Variants in POC1B observed in about 807,000 individuals in gnomAD.
The protein encoded by POC1B is POC1 centriolar protein homolog B.
POC1B carries 44 observed loss-of-function variants against 60.6 expected under a neutral mutation model. The ratio of observed to expected loss-of-function variants is 0.73; its 90% CI spans 0.57 to 0.93. The LOEUF (loss-of-function observed/expected upper bound fraction) is 0.93, where lower values mean the gene tolerates loss of function less well. POC1B is among the 40% of genes least tolerant of loss of function. The probability of loss-of-function intolerance (pLI) is 0.00; values close to 1 mark genes in which losing one functional copy is unlikely to be tolerated. For synonymous variants in POC1B, 180 were observed against 198.9 expected, an observed-to-expected ratio of 0.90 and a Z score of 0.80; for missense variants, 555 against 572.3, an observed-to-expected ratio of 0.97 and a Z score of 0.31.
intron 4 of POC1B, among the ~76,000 whole-genome samples, chr12:89,478,068 C>A (rs1883184657): frequency 6.6e-6 from 1 of 151,458 alleles, no homozygotes; most frequent in Non-Finnish European, 1.5e-5. Context: ...CTTGGAGTTG[C>A]CCACAACCAC....
intron 10 of POC1B, among the ~76,000 whole-genome samples, chr12:89,457,604 GTGTTT>G (rs1882311048): frequency 2.6e-5 from 4 of 152,142 alleles, no homozygotes; most frequent in Middle Eastern, 3.4e-3. Context: ...TTGTTTTCCT[GTGTTT>G]TGTTTGTTTG....
At chr12:89,416,996 C>T (rs1880375823), downstream of POC1B, among the ~76,000 whole-genome samples, 1 of 152,126 alleles carries the variant, frequency 6.6e-6, no homozygotes, top group Non-Finnish European at 1.5e-5. Flanking sequence ...TACCTTCTTT[C>T]CACATAGTAG....
chr12:89,450,817 G>T (rs1055314606), intron 10 of POC1B, among the ~76,000 whole-genome samples: 4 of 152,144 alleles, frequency 2.6e-5, no homozygotes, highest in African/African-American at 9.7e-5. Context: ...ATCTTTGTAT[G>T]TATATCTTAT....
chr12:89,416,320 G>A (rs1880364155), downstream of POC1B, among the ~76,000 whole-genome samples: 1 of 152,172 alleles, frequency 6.6e-6, no homozygotes, highest in African/African-American at 2.4e-5. Flanking sequence ...TCCAGGAAGA[G>A]AAGAGTTATG....
At chr12:89,519,072 AG>A (rs996990028) in intron 2 of POC1B, among the ~76,000 whole-genome samples, 2 of 152,122 alleles carry the variant, frequency 1.3e-5, no homozygotes, top group African/African-American at 4.8e-5. Context: ...TGTGGTTTAG[AG>A]GACAGACATT....
intron 2 of POC1B, chr12:89,501,496 C>T (rs971407894): frequency 1.7e-5 from 17 of 977,756 alleles, no homozygotes; most frequent in East Asian, 9.9e-5. Context: ...TATGGAAGAG[C>T]GTGAAGAGAT....
chr12:89,459,251 G>A (rs914337089), intron 10 of POC1B, among the ~76,000 whole-genome samples: 1 of 151,886 alleles, frequency 6.6e-6, no homozygotes, highest in Admixed American at 6.6e-5. Context: ...ACACACCAGG[G>A]CCTGTTGTGG....
intron 2 of POC1B, chr12:89,500,359 T>C (rs2135746380): frequency 2.0e-6 from 3 of 1,507,282 alleles, no homozygotes; most frequent in South Asian, 1.1e-5. Context: ...TTCCACTTTC[T>C]TCAAGGAAGA....
the POC1B span, among the ~76,000 whole-genome samples, chr12:89,414,480 A>T: frequency 1.3e-5 from 2 of 152,154 alleles, no homozygotes; most frequent in African/African-American, 4.8e-5. Flanking sequence ...TCAGGCTGCA[A>T]TTGTGTTACC....
At chr12:89,496,506 A>G (rs753648655) in intron 3 of POC1B, among the ~76,000 whole-genome samples, 1 of 152,184 alleles carries the variant, frequency 6.6e-6, no homozygotes, top group Non-Finnish European at 1.5e-5. Flanking sequence ...GAGGCAGGGG[A>G]GTGATGCTAT....
At chr12:89,462,124 T>A (rs956296311) in intron 9 of POC1B, among the ~76,000 whole-genome samples, 3 of 152,172 alleles carry the variant, frequency 2.0e-5, no homozygotes, top group African/African-American at 7.2e-5. Flanking sequence ...TAATTAACAG[T>A]ATTTAACTGC....
intron 9 of POC1B, among the ~76,000 whole-genome samples, chr12:89,464,483 G>GTTTTTTTTTTTTTTTTTTT (rs766668019): frequency 1.1e-5 from 1 of 94,722 alleles, no homozygotes; most frequent in Non-Finnish European, 1.9e-5. Context: ...TTTTATAAGA[G>GTTTTTTTTTTTTTTTTTTT]TTTTTTTTTT....
At chr12:89,408,598 G>A in the POC1B span, among the ~76,000 whole-genome samples, 245 of 150,164 alleles carry the variant, frequency 1.6e-3, 1 homozygote, top group African/African-American at 5.5e-3. Flanking sequence ...CCATTCTCCC[G>A]CCTCAGCCTC....
At chr12:89,470,532 C>T (rs771995460) in intron 6 of POC1B, 38 bp from the exon 7 acceptor site, 2 of 1,509,260 alleles carry the variant, frequency 1.3e-6, no homozygotes, top group East Asian at 2.3e-5. Flanking sequence ...GTTCAGAGAA[C>T]AATTCTTACT....
intron 3 of POC1B, among the ~76,000 whole-genome samples, chr12:89,494,550 T>G (rs1869147444): frequency 6.6e-6 from 1 of 152,198 alleles, no homozygotes; most frequent in African/African-American, 2.4e-5. Flanking sequence ...GTGACTCATC[T>G]CATCCCTGTA....
intron 2 of POC1B, chr12:89,522,770 T>C (rs749556423): frequency 6.6e-6 from 10 of 1,523,906 alleles, no homozygotes; most frequent in East Asian, 2.3e-5. Context: ...TCTTTGACTT[T>C]CTTGACACTA....
chr12:89,436,410 C>G (rs17364616), intron 10 of POC1B, among the ~76,000 whole-genome samples: 9,751 of 152,228 alleles, frequency 0.064, 406 homozygotes, highest in Non-Finnish European at 0.097. Flanking sequence ...AAATAACCAG[C>G]ATGATTCAAA....
chr12:89,451,827 TAACTC>T (rs1369557070), intron 10 of POC1B, among the ~76,000 whole-genome samples: 1 of 152,134 alleles, frequency 6.6e-6, no homozygotes, highest in Non-Finnish European at 1.5e-5. Context: ...CAGCACCAAA[TAACTC>T]AAAACCAGAT....
intron 2 of POC1B, chr12:89,500,347 A>G: frequency 6.6e-7 from 1 of 1,509,156 alleles, no homozygotes; most frequent in Non-Finnish European, 9.2e-7. Context: ...ATCCAAAGTC[A>G]GTTCCACTTT....
Sources: allele counts gnomAD v4.1 joint callset (sites outside exome capture counted in the v4.1 genomes callset), GRCh38; gene constraint gnomAD v4.1.1; transcripts MANE v1.5; gene names NCBI Gene and HGNC (gene_info 2026-07-23, HGNC 2026-07-21).